XYLT1: variants seen among roughly 807,000 people sequenced by gnomAD.
XYLT1 encodes the protein beta-D-xylosyltransferase 1.
A neutral mutation model predicts 91.3 loss-of-function variants in XYLT1; 36 were observed. That is an observed-to-expected ratio of 0.39 (90% CI 0.30 to 0.52). The LOEUF is 0.52. Among genes scored for constraint, XYLT1 ranks in the 20% least tolerant of loss-of-function variants. The pLI, the probability that XYLT1 is intolerant of heterozygous loss-of-function variation, is 0.68. For missense variants in XYLT1, 1,242 were observed against 1,284.5 expected (o/e 0.97, Z 0.51); for synonymous variants, 588 against 532.0 (o/e 1.11, Z -1.45).
chr16:17,304,774 A>G (rs1195576547), intron 2 of XYLT1, among the ~76,000 whole-genome samples: 1 of 152,154 alleles, frequency 6.6e-6, no homozygotes, highest in African/African-American at 2.4e-5. Context: ...TTGGGAAGGT[A>G]ACCTATTTTC....
At chr16:17,314,909 C>T (rs576229200) in intron 2 of XYLT1, among the ~76,000 whole-genome samples, 16 of 152,158 alleles carry the variant, frequency 1.1e-4, no homozygotes, top group African/African-American at 2.7e-4. Flanking sequence ...GTGTAGGTGG[C>T]GGAGGTGATA....
intron 5 of XYLT1, among the ~76,000 whole-genome samples, chr16:17,178,115 C>T (rs2031984683): frequency 6.6e-6 from 1 of 152,060 alleles, no homozygotes; most frequent in African/African-American, 2.4e-5. Flanking sequence ...CTGGCAGGAA[C>T]TCTGCGGGGC....
intron 1 of XYLT1, among the ~76,000 whole-genome samples, chr16:17,375,503 C>CACACACACACACACACACAG (rs1186558257): frequency 6.6e-6 from 1 of 151,954 alleles, no homozygotes; most frequent in Non-Finnish European, 1.5e-5. Flanking sequence ...CACACACACA[C>CACACACACACACACACACAG]AGAAAAGATT....
intron 5 of XYLT1, among the ~76,000 whole-genome samples, chr16:17,184,474 A>G (rs1372335276): frequency 6.6e-6 from 1 of 152,172 alleles, no homozygotes; most frequent in Non-Finnish European, 1.5e-5. Context: ...CAGTAGTATA[A>G]TTCTCTCTAG....
chr16:17,316,585 C>T (rs1361196319), intron 2 of XYLT1, among the ~76,000 whole-genome samples: 1 of 151,830 alleles, frequency 6.6e-6, no homozygotes, highest in East Asian at 2.0e-4. Context: ...TTTGTAGAGA[C>T]AAGGTTTCAC....
intron 1 of XYLT1, among the ~76,000 whole-genome samples, chr16:17,461,099 C>A (rs772042936): frequency 6.6e-6 from 1 of 152,218 alleles, no homozygotes; most frequent in East Asian, 1.9e-4. Context: ...CTCCCAGGCC[C>A]CACAGCATCT....
rs1287326944 is a variant in XYLT1, at chr16:17,312,575, A to G, written c.402+45437T>C. ...TGACATCTTATGTAACTGCAGTGCA[A>G]TATTAAAACCAGGCAATTCACATCA... is the stretch of plus-strand genomic sequence containing the variant. On this transcript the variant is annotated intron_variant, in intron 2 of 11. Coordinates refer to ENST00000261381, the MANE Select transcript of XYLT1 (RefSeq NM_022166.4). The surrounding 1 kb of genome is among the most constrained non-coding windows in gnomAD (Gnocchi z 4.4). Among the ~76,000 whole-genome samples the G allele has an allele frequency of 6.6e-6, 1 of 152,206 alleles. No homozygotes were observed. Among genetic ancestry groups the G allele is most frequent in the Non-Finnish European group, 1.5e-5 (1 of 68,036 alleles).
chr16:17,395,618 AC>A (rs1306495080), intron 1 of XYLT1, among the ~76,000 whole-genome samples: 1 of 150,650 alleles, frequency 6.6e-6, no homozygotes, highest in Non-Finnish European at 1.5e-5. Flanking sequence ...TCATTATAAT[AC>A]TTTGAGCTCT....
intron 3 of XYLT1, among the ~76,000 whole-genome samples, chr16:17,206,328 A>C (rs1257454889): frequency 2.0e-5 from 3 of 152,070 alleles, no homozygotes; most frequent in African/African-American, 7.2e-5. Flanking sequence ...AAATTTTAAA[A>C]GAGGTTTTCT....
rs141353269 is a variant in XYLT1 at position 17,108,881 on chromosome 16, C to T, written c.2694G>A (p.Thr898=). 605 of 1,611,674 alleles carry T rather than the reference C, an allele frequency of 3.8e-4. No homozygotes were observed. The highest frequency in any genetic ancestry group is 4.5e-4 in the Admixed American group (27 of 59,938). Residue 898 remains threonine, a synonymous_variant, in exon 12 of 12, where the codon ACG becomes ACA. Transcript: ENST00000261381. ...VEQARRNAAS[T]GTALEGWLDS... The stretch of plus-strand genomic sequence containing the variant: ...CCAGCCATCCCTCCAGCGCTGTGCC[C>T]GTGGAGGCTGCGTTCCTCCGTGCCT...
intron 1 of XYLT1, among the ~76,000 whole-genome samples, chr16:17,366,137 A>T (rs1314284605): frequency 6.8e-6 from 1 of 147,198 alleles, no homozygotes; most frequent in East Asian, 2.0e-4. Flanking sequence ...TAAAACCAGG[A>T]TACTTCACAT....
intron 1 of XYLT1, among the ~76,000 whole-genome samples, chr16:17,366,800 A>G (rs544586258): frequency 6.6e-6 from 1 of 152,078 alleles, no homozygotes; most frequent in Non-Finnish European, 1.5e-5. Context: ...AGGAGAAGTA[A>G]TTTTTTCAAA....
intron 6 of XYLT1, among the ~76,000 whole-genome samples, chr16:17,144,819 C>T (rs969570231): frequency 1.3e-5 from 2 of 152,166 alleles, no homozygotes; most frequent in Admixed American, 6.5e-5. Context: ...ACAGGCAGCA[C>T]CGAGTGCCTA....
intron 1 of XYLT1, among the ~76,000 whole-genome samples, chr16:17,391,637 A>C (rs2035820712): frequency 6.6e-6 from 1 of 152,116 alleles, no homozygotes; most frequent in Admixed American, 6.5e-5. Context: ...GGATCCCAAC[A>C]TCCCTTTACT....
intron 1 of XYLT1, among the ~76,000 whole-genome samples, chr16:17,377,877 C>T (rs2035623308): frequency 6.6e-6 from 1 of 152,200 alleles, no homozygotes; most frequent in South Asian, 2.1e-4. Flanking sequence ...TTTACCTCCC[C>T]TGAGTTTCAG....
rs539198236 is a variant in XYLT1 at position 17,102,747 on chromosome 16, T to A, written c.*5948A>T. 3 of 122,402 alleles carry A rather than the reference T, an allele frequency of 2.5e-5. No homozygotes were observed. The highest frequency in any genetic ancestry group is 2.8e-4 in the South Asian group (1 of 3,570). The allele number at this position is 122,402 out of a possible 1,614,324, so 7.6% of individuals were successfully genotyped here. On this transcript the variant is annotated 3_prime_UTR_variant, in exon 12 of 12. Transcript: ENST00000261381. ...GCGTGTGCCATTTGAATTCTTTTTT[T>A]AAAACTTTATTTACAGATTTTTTTT... is the stretch of plus-strand genomic sequence containing the variant.
intron 9 of XYLT1, among the ~76,000 whole-genome samples, chr16:17,133,932 ATT>A (rs1331603785): frequency 6.6e-6 from 1 of 152,138 alleles, no homozygotes; most frequent in African/African-American, 2.4e-5. Context: ...TAAAAGAGTT[ATT>A]TTTCAGAGAT....
At chr16:17,375,147 C>T (rs181036410) in intron 1 of XYLT1, among the ~76,000 whole-genome samples, 2 of 152,312 alleles carry the variant, frequency 1.3e-5, no homozygotes, top group East Asian at 3.9e-4. Flanking sequence ...ATTCAAGTTC[C>T]AGTCCGTGCA....
intron 5 of XYLT1, among the ~76,000 whole-genome samples, chr16:17,196,755 A>G (rs1180812024): frequency 6.6e-6 from 1 of 152,074 alleles, no homozygotes; most frequent in Non-Finnish European, 1.5e-5. Flanking sequence ...ACACAGTCAA[A>G]GGAAAAAGCT....
Sources: allele counts gnomAD v4.1 joint callset (sites outside exome capture counted in the v4.1 genomes callset), GRCh38; gene constraint gnomAD v4.1.1; non-coding constraint Gnocchi (gnomAD v3.1); transcripts MANE v1.5; gene names NCBI Gene and HGNC (gene_info 2026-07-23, HGNC 2026-07-21).